The following CACNA1A variants were observed in gnomAD, a reference collection of about 807,000 sequenced individuals.
CACNA1A encodes voltage-dependent P/Q-type calcium channel subunit alpha-1A.
In CACNA1A, 57 loss-of-function variants were observed where a neutral mutation model predicts 262.4. That is an observed-to-expected ratio of 0.22 (90% CI 0.18 to 0.27). The LOEUF is 0.27. Among genes scored for constraint, CACNA1A ranks in the 10% least tolerant of loss-of-function variants. The probability of loss-of-function intolerance (pLI) is 1.00; values close to 1 mark genes in which losing one functional copy is unlikely to be tolerated. For synonymous variants in CACNA1A, 1,431 were observed against 1,419.3 expected, an observed-to-expected ratio of 1.01 and a Z score of -0.18; for missense variants, 2,526 against 3,562.8, an observed-to-expected ratio of 0.71 and a Z score of 7.41.
chr19:13,325,438 G>A (rs1398267508), intron 10 of CACNA1A, among the ~76,000 whole-genome samples: 1 of 151,998 alleles, frequency 6.6e-6, no homozygotes, highest in Non-Finnish European at 1.5e-5. Flanking sequence ...CACCGCACCA[G>A]GCCTGTATTA....
rs1323018124 is a variant in CACNA1A at position 13,506,273 on chromosome 19, A to C, written c.-49T>G. On this transcript the variant is annotated 5_prime_UTR_variant, in exon 1 of 47. Transcript: ENST00000360228. ...GGTTACGCTGCGGCGAACGATGCGG[A>C]AGACGCCGCCGCCGCCGCCGCCGCC... 7.9e-6 allele frequency: 11 copies of C among 1,388,804 alleles called. No homozygotes were observed. Among genetic ancestry groups the C allele is most frequent in the South Asian group, 3.4e-5 (2 of 59,554 alleles). The allele number at this position is 1,388,804 out of a possible 1,614,324, so 86.0% of individuals were successfully genotyped here.
intron 19 of CACNA1A, among the ~76,000 whole-genome samples, chr19:13,289,886 G>A (rs1485971169): frequency 6.7e-6 from 1 of 149,882 alleles, no homozygotes; most frequent in African/African-American, 2.4e-5. Context: ...TTGTTCTGTA[G>A]TTTCTATATT....
intron 3 of CACNA1A, among the ~76,000 whole-genome samples, chr19:13,416,318 G>T (rs534145679): frequency 6.6e-6 from 1 of 152,078 alleles, no homozygotes; most frequent in African/African-American, 2.4e-5. Context: ...GCCCAGGCTG[G>T]TCTCAAACTC....
At position 13,280,628 on chromosome 19, in the gene CACNA1A, T is replaced by C. The variant is rs139520295; in HGVS notation, c.3822+2639A>G. 4.1e-3 allele frequency among the ~76,000 whole-genome samples: 622 copies of C among 151,836 alleles called. 8 individuals are homozygous for C. The highest frequency in any genetic ancestry group is 0.014 in the African/African-American group (582 of 41,430). ...AACACATCCCATGCCACACAGTAAA[T>C]CTCAAAACAGCATCATAAAGAATGC... On this transcript the variant is annotated intron_variant, in intron 22 of 46. Transcript: ENST00000360228.
intron 34 of CACNA1A, chr19:13,234,685 AAGG>A (rs1001458346): frequency 1.2e-4 from 60 of 517,194 alleles, no homozygotes; most frequent in African/African-American, 8.2e-4. Context: ...CACACCAGAA[AAGG>A]AGGAGGAGGG....
rs550730681 is a variant in CACNA1A, at chr19:13,411,245, C to T, written c.540-39466G>A. Among the ~76,000 whole-genome samples the T allele has an allele frequency of 5.3e-5, 8 of 152,254 alleles. No individual in the cohort carries two copies. In the East Asian group the frequency reaches 1.5e-3, roughly 29 times the overall value. On this transcript the variant is annotated intron_variant, in intron 3 of 46. Transcript: ENST00000360228. ...TCTGCCCACCTAGTCAGTCTCCTTC[C>T]CCATTTTATTTGATGGCAAACCCAT...
intron 1 of CACNA1A, among the ~76,000 whole-genome samples, chr19:13,481,128 G>A (rs1379746412): frequency 2.6e-5 from 4 of 152,246 alleles, no homozygotes; most frequent in African/African-American, 7.2e-5. Flanking sequence ...TGATGCAAGC[G>A]AGGTGCCTGG....
intron 3 of CACNA1A, among the ~76,000 whole-genome samples, chr19:13,442,759 C>T (rs2060746926): frequency 6.6e-6 from 1 of 152,216 alleles, no homozygotes; most frequent in Admixed American, 6.5e-5. Context: ...GCCAATCTCT[C>T]ATTTCTTGAA....
intron 17 of CACNA1A, among the ~76,000 whole-genome samples, chr19:13,302,671 A>G (rs1361918764): frequency 2.0e-5 from 3 of 152,106 alleles, no homozygotes; most frequent in African/African-American, 7.2e-5. Flanking sequence ...TGGAACTTGG[A>G]TGAGCTCATG....
chr19:13,231,361 C>T (rs1277872541), intron 35 of CACNA1A, among the ~76,000 whole-genome samples: 1 of 152,022 alleles, frequency 6.6e-6, no homozygotes, highest in African/African-American at 2.4e-5. Flanking sequence ...GCCCCCACTC[C>T]CAACCCCACC....
intron 31 of CACNA1A, among the ~76,000 whole-genome samples, chr19:13,237,646 A>G (rs2055918674): frequency 6.6e-6 from 1 of 152,122 alleles, no homozygotes; most frequent in African/African-American, 2.4e-5. Context: ...AGGATGGGGA[A>G]GGGGGCTGGG....
At chr19:13,476,440 C>T (rs1303757530) in intron 1 of CACNA1A, among the ~76,000 whole-genome samples, 1 of 152,170 alleles carries the variant, frequency 6.6e-6, no homozygotes, top group Non-Finnish European at 1.5e-5. Flanking sequence ...TGATATGCCA[C>T]CTGAGTACTT....
At chr19:13,378,075 G>A (rs773416277) in intron 3 of CACNA1A, among the ~76,000 whole-genome samples, 21 of 152,314 alleles carry the variant, frequency 1.4e-4, no homozygotes, top group Admixed American at 7.2e-4. Context: ...AGTCAATTCC[G>A]ATCCTCATGG....
At chr19:13,237,836 G>GC (rs1235538940) in intron 31 of CACNA1A, among the ~76,000 whole-genome samples, 13 of 152,158 alleles carry the variant, frequency 8.5e-5, no homozygotes, top group Admixed American at 5.2e-4. Flanking sequence ...GGTATCCCCA[G>GC]CCCCCTCCCG....
Position 13,286,551 on chromosome 19 carries a change from C to T in CACNA1A, c.3505G>A (p.Asp1169Asn). The T allele has an allele frequency of 6.5e-7, 1 of 1,542,722 alleles. No individual in the cohort carries two copies. The highest frequency in any genetic ancestry group is 8.7e-7 in the Non-Finnish European group (1 of 1,148,924). The change falls in exon 20 of 47, where the codon GAC becomes AAC. Residue 1169 changes from aspartate (D) to asparagine (N), a missense_variant. Physicochemically the swap from Asp to Asn is conservative, Grantham distance 23. Transcript: ENST00000360228. ...GGGGGTGGGCAGGCTGGGGGGATGT[C>T]CACTGTGGTGTGGTCGGGTTTCCTG... ...TARKPDHTTV[D>N]IPPACPPPLN...
chr19:13,281,379 TA>T (rs753890670), intron 22 of CACNA1A, among the ~76,000 whole-genome samples: 1,232 of 102,790 alleles, frequency 0.012, 11 homozygotes, highest in African/African-American at 0.035. Flanking sequence ...CATTGTCTCT[TA>T]AAAAAAAAAA....
rs530019989 is a variant in CACNA1A, at chr19:13,392,662, T to TTTCCTTCC, written c.540-20891_540-20884dup. ...TTGGGAAAACTGTTAGGCAGTTTCT[T>TTTCCTTCC]TTCCTTCCTTCCTTCCTTCCTTCCA... On this transcript the variant is annotated intron_variant, in intron 3 of 46. Transcript: ENST00000360228. Among the ~76,000 whole-genome samples, 6 of 152,038 alleles carry TTTCCTTCC rather than the reference T, an allele frequency of 3.9e-5. No homozygotes were observed. The East Asian group carries it at 1.2e-3, about 29-fold the overall frequency.
intron 1 of CACNA1A, among the ~76,000 whole-genome samples, chr19:13,477,136 T>A (rs1978646721): frequency 6.6e-6 from 1 of 152,216 alleles, no homozygotes; most frequent in African/African-American, 2.4e-5. Context: ...ACATGTCACA[T>A]ATACCCCTAC....
chr19:13,433,428 T>A (rs548608094), intron 3 of CACNA1A, among the ~76,000 whole-genome samples: 10 of 124,394 alleles, frequency 8.0e-5, no homozygotes, highest in African/African-American at 2.9e-4. Context: ...ACCACTGCAC[T>A]CCAGCCTCGG....
Sources: allele counts gnomAD v4.1 joint callset (sites outside exome capture counted in the v4.1 genomes callset), GRCh38; gene constraint gnomAD v4.1.1; transcripts MANE v1.5; gene names NCBI Gene and HGNC (gene_info 2026-07-23, HGNC 2026-07-21).